PIK3R1: variants seen among roughly 807,000 people sequenced by gnomAD.
The protein encoded by PIK3R1 is phosphatidylinositol 3-kinase regulatory subunit alpha.
Under a neutral mutation model 98.0 loss-of-function variants are expected in PIK3R1, and 29 were observed. The observed-to-expected ratio is 0.30, with a 90% CI of 0.22 to 0.40. The LOEUF is 0.40. Ranked by LOEUF, PIK3R1 falls within the 10% of genes least tolerant of loss-of-function variation. The pLI is 1.00. For synonymous variants in PIK3R1, 282 were observed against 311.8 expected (o/e 0.90, Z 1.01); for missense variants, 596 against 872.7 (o/e 0.68, Z 3.99).
intron 1 of PIK3R1, among the ~76,000 whole-genome samples, chr5:68,223,846 C>A (rs1296532108): frequency 6.6e-6 from 1 of 152,218 alleles, no homozygotes; most frequent in African/African-American, 2.4e-5. Flanking sequence ...TACAGAGCCC[C>A]CTGGCAAGGA....
intron 2 of PIK3R1, among the ~76,000 whole-genome samples, chr5:68,268,792 G>A (rs555171155): frequency 6.6e-6 from 1 of 152,240 alleles, no homozygotes; most frequent in Admixed American, 6.5e-5. Flanking sequence ...CCTCCAGAAG[G>A]TGCAACTGTG....
chr5:68,240,365 G>A (rs927090415), intron 2 of PIK3R1, among the ~76,000 whole-genome samples: 1 of 152,150 alleles, frequency 6.6e-6, no homozygotes, highest in African/African-American at 2.4e-5. Flanking sequence ...TGTCACTTGT[G>A]GTCTAATCTT....
At chr5:68,230,941 A>G (rs940867607) in intron 2 of PIK3R1, among the ~76,000 whole-genome samples, 1 of 152,154 alleles carries the variant, frequency 6.6e-6, no homozygotes, top group African/African-American at 2.4e-5. Flanking sequence ...CGGGTGAGGC[A>G]GCTATTGAAA....
chr5:68,285,332 A>G (rs1239411566), intron 7 of PIK3R1, among the ~76,000 whole-genome samples: 1 of 152,196 alleles, frequency 6.6e-6, no homozygotes, highest in Non-Finnish European at 1.5e-5. Context: ...ATCTTGTTTT[A>G]AATGCTCTGG....
chr5:68,292,311 T>A lies in PIK3R1; in HGVS notation c.969T>A (p.Asn323Lys). 1 of 1,613,632 alleles carries A rather than the reference T, an allele frequency of 6.2e-7. No individual in the cohort carries two copies. The highest frequency in any genetic ancestry group is 8.5e-7 in the Non-Finnish European group (1 of 1,179,582). ...CTACTGTAGCCAACAACGGTATGAA[T>A]AACAATATGTCCTTACAAGATGCTG... Reference protein sequence around the residue: ...KPTTVANNGMNNNMSLQDAEW... With the variant: ...KPTTVANNGMKNNMSLQDAEW... Residue 323 changes from asparagine to lysine, a missense_variant, in exon 8 of 16, where the codon AAT becomes AAA. This residue lies in a region of PIK3R1 where 352 missense variants were observed against 393.3 expected (regional missense o/e 0.90). Coordinates refer to ENST00000521381, the MANE Select transcript of PIK3R1 (RefSeq NM_181523.3).
intron 2 of PIK3R1, among the ~76,000 whole-genome samples, chr5:68,246,551 G>C (rs926512935): frequency 6.6e-6 from 1 of 152,124 alleles, no homozygotes; most frequent in African/African-American, 2.4e-5. Context: ...GACCTCAAAC[G>C]GTCCATCCGC....
intron 3 of PIK3R1, 111 bp downstream of exon 3, chr5:68,273,593 C>T: frequency 1.1e-6 from 1 of 919,752 alleles, no homozygotes; most frequent in Non-Finnish European, 1.8e-6. Context: ...CCAGCTATGT[C>T]CAGATACTCT....
Position 68,294,573 on chromosome 5 carries a change from A to G in PIK3R1, c.1463A>G (p.Asn488Ser), listed in dbSNP as rs770678769. The G allele has an allele frequency of 6.2e-7, 1 of 1,611,736 alleles. No homozygotes were observed. The highest frequency in any genetic ancestry group is 1.1e-5 in the South Asian group (1 of 90,740). Reference protein sequence around the residue: ...QMKRTAIEAFNETIKIFEEQC... With the variant: ...QMKRTAIEAFSETIKIFEEQC... ...AAAAGGACAGCTATTGAAGCATTTA[A>G]TGAAACCATAAAAATATTTGAAGAA... The change falls in exon 12 of 16, where the codon AAT becomes AGT. Residue 488 changes from asparagine (N) to serine (S), a missense_variant. Physicochemically the swap from Asn to Ser is conservative, Grantham distance 46. Coordinates refer to ENST00000521381, the MANE Select transcript of PIK3R1 (RefSeq NM_181523.3).
At chr5:68,284,378 G>A (rs566181082) in intron 7 of PIK3R1, among the ~76,000 whole-genome samples, 1 of 152,328 alleles carries the variant, frequency 6.6e-6, no homozygotes, top group Admixed American at 6.5e-5. Flanking sequence ...CACTTGGGAA[G>A]TTGCCACCCT....
At chr5:68,216,430 T>A (rs1743885326) in intron 1 of PIK3R1, among the ~76,000 whole-genome samples, 1 of 152,124 alleles carries the variant, frequency 6.6e-6, no homozygotes, top group Admixed American at 6.5e-5. Context: ...CCAGGGTCGC[T>A]GCCCGGGCCC....
At chr5:68,231,839 T>G (rs1348631409) in intron 2 of PIK3R1, among the ~76,000 whole-genome samples, 1 of 152,230 alleles carries the variant, frequency 6.6e-6, no homozygotes, top group Non-Finnish European at 1.5e-5. Context: ...TAAGCCCAAG[T>G]GATGGGGAAA....
intron 2 of PIK3R1, among the ~76,000 whole-genome samples, chr5:68,233,463 CAT>C (rs1480449864): frequency 6.6e-6 from 1 of 152,200 alleles, no homozygotes; most frequent in Non-Finnish European, 1.5e-5. Flanking sequence ...GAGGAGGACA[CAT>C]GGAGGGGGAC....
chr5:68,289,285 G>A (rs184916809), intron 7 of PIK3R1, among the ~76,000 whole-genome samples: 3 of 152,140 alleles, frequency 2.0e-5, no homozygotes, highest in African/African-American at 4.8e-5. Flanking sequence ...GGTAAACTTA[G>A]GCAAATAGAA....
In PIK3R1 at chr5:68,301,462, A is replaced by G. The variant is rs1448678322; in HGVS notation, c.*3861A>G. 7.2e-6 allele frequency: 1 copy of G among 138,174 alleles called. No individual in the cohort carries two copies. The highest frequency in any genetic ancestry group is 1.5e-5 in the Non-Finnish European group (1 of 65,320). The allele number at this position is 138,174 out of a possible 1,614,324, so 8.6% of individuals were successfully genotyped here. On this transcript the variant is annotated 3_prime_UTR_variant, in exon 16 of 16. Coordinates refer to ENST00000521381, the MANE Select transcript of PIK3R1 (RefSeq NM_181523.3). ...TGTGTATATATATATATATGTGTAT[A>G]TATATATGTATATACATATATGTAT...
At chr5:68,271,331 T>C (rs1171795067) in intron 2 of PIK3R1, among the ~76,000 whole-genome samples, 2 of 152,206 alleles carry the variant, frequency 1.3e-5, no homozygotes, top group African/African-American at 4.8e-5. Flanking sequence ...ACAGTGATGT[T>C]GCAGTAGGAC....
intron 2 of PIK3R1, among the ~76,000 whole-genome samples, chr5:68,259,842 T>C (rs79605860): frequency 4.4e-4 from 67 of 152,296 alleles, no homozygotes; most frequent in African/African-American, 1.6e-3. Flanking sequence ...AGTTAGTACA[T>C]AAGGATCTCT....
intron 2 of PIK3R1, among the ~76,000 whole-genome samples, chr5:68,228,917 A>G (rs976059917): frequency 6.6e-6 from 1 of 152,174 alleles, no homozygotes; most frequent in African/African-American, 2.4e-5. Context: ...TATATCCTAA[A>G]CTATTTTATA....
chr5:68,272,513 C>A (rs1336252690), intron 2 of PIK3R1, among the ~76,000 whole-genome samples: 1 of 152,066 alleles, frequency 6.6e-6, no homozygotes, highest in African/African-American at 2.4e-5. Context: ...CCTCTTCTGG[C>A]ATAATTTGAG....
chr5:68,218,246 T>C (rs1743972385), intron 1 of PIK3R1, among the ~76,000 whole-genome samples: 1 of 152,236 alleles, frequency 6.6e-6, no homozygotes, highest in African/African-American at 2.4e-5. Context: ...TATCTTTTGG[T>C]AATGTCAGTT....
Sources: allele counts gnomAD v4.1 joint callset (sites outside exome capture counted in the v4.1 genomes callset), GRCh38; gene constraint gnomAD v4.1.1; regional missense constraint gnomAD v4.1.1; transcripts MANE v1.5; gene names NCBI Gene and HGNC (gene_info 2026-07-23, HGNC 2026-07-21).